OXTR: variants seen among roughly 807,000 people sequenced by gnomAD.
OXTR encodes oxytocin receptor.
A neutral mutation model predicts 23.9 loss-of-function variants in OXTR; 19 were observed. The observed-to-expected ratio is 0.80, with a 90% CI of 0.56 to 1.17. The LOEUF is 1.17. OXTR is among the 50% of genes most tolerant of loss of function. The pLI is 0.00. For synonymous variants in OXTR, 278 were observed against 250.5 expected (o/e 1.11, Z -1.04); for missense variants, 500 against 550.7 (o/e 0.91, Z 0.92).
intron 3 of OXTR, among the ~76,000 whole-genome samples, chr3:8,758,281 T>C (rs1708417054): frequency 6.6e-6 from 1 of 152,050 alleles, no homozygotes; most frequent in Non-Finnish European, 1.5e-5. Context: ...AACCCCAAAT[T>C]AGCCCAGAAC....
At chr3:8,745,620 A>G, downstream of OXTR, 1 of 1,614,080 alleles carries the variant, frequency 6.2e-7, no homozygotes, top group Non-Finnish European at 8.5e-7. The surrounding 1 kb of genome is among the most constrained non-coding windows in gnomAD (Gnocchi z 4.8). Context: ...GTCTCCAAGT[A>G]CTGGTGCTAC....
At chr3:8,755,756 T>C (rs1287829925) in intron 3 of OXTR, among the ~76,000 whole-genome samples, 2 of 152,190 alleles carry the variant, frequency 1.3e-5, no homozygotes, top group Non-Finnish European at 2.9e-5. Context: ...TTTGTCAATA[T>C]CCTAGTCACC....
intron 3 of OXTR, among the ~76,000 whole-genome samples, chr3:8,755,622 T>C (rs189717218): frequency 9.7e-4 from 147 of 152,324 alleles, no homozygotes; most frequent in African/African-American, 3.5e-3. Context: ...GTGCCTCTGA[T>C]CCCACCTGGT....
At chr3:8,754,047 A>G (rs1006238497) in intron 3 of OXTR, among the ~76,000 whole-genome samples, 3 of 152,324 alleles carry the variant, frequency 2.0e-5, no homozygotes, top group Non-Finnish European at 4.4e-5. Flanking sequence ...TTCATGGCTG[A>G]CCAACTGAAA....
At chr3:8,747,625 G>A (rs1708192011), downstream of OXTR, among the ~76,000 whole-genome samples, 1 of 152,206 alleles carries the variant, frequency 6.6e-6, no homozygotes, top group African/African-American at 2.4e-5. Context: ...CACCTAGCCA[G>A]CACTATCACT....
intron 3 of OXTR, among the ~76,000 whole-genome samples, chr3:8,763,517 C>T (rs1708535861): frequency 6.6e-6 from 1 of 152,232 alleles, no homozygotes; most frequent in Non-Finnish European, 1.5e-5. Context: ...CCCTCCTCAT[C>T]CTCATCTCCT....
chr3:8,752,869 C>A lies in OXTR; in HGVS notation c.*108G>T. On this transcript the variant is annotated 3_prime_UTR_variant, in exon 4 of 4. Transcript: ENST00000316793. ...AGCCACCCCAAGGAGGGGAGGGATA[C>A]AAACTGATAGGTACCTTATACACAA... The A allele has an allele frequency of 4.8e-6, 6 of 1,256,588 alleles. No individual in the cohort carries two copies. In the East Asian group the frequency reaches 1.0e-4, roughly 21 times the overall value. 77.8% of individuals were successfully genotyped at this position (1,256,588 alleles called of 1,614,324 possible). A position where few individuals can be genotyped will look rare whatever the true frequency, so the allele number is the denominator to read the frequency against.
chr3:8,747,837 T>C (rs1708196820), downstream of OXTR, among the ~76,000 whole-genome samples: 1 of 152,212 alleles, frequency 6.6e-6, no homozygotes, highest in East Asian at 1.9e-4. Context: ...ATGTAGAGAA[T>C]TTGCCATCTT....
At chr3:8,742,111 G>T in the OXTR span, among the ~76,000 whole-genome samples, 1 of 152,070 alleles carries the variant, frequency 6.6e-6, no homozygotes, top group African/African-American at 2.4e-5. Flanking sequence ...GTGCTGCATG[G>T]TACAGCTGCC....
At chr3:8,756,160 G>C (rs1202995330) in intron 3 of OXTR, among the ~76,000 whole-genome samples, 1 of 152,172 alleles carries the variant, frequency 6.6e-6, no homozygotes, top group Non-Finnish European at 1.5e-5. Flanking sequence ...CTGATGGCTA[G>C]AAAGGCTTCA....
rs751733420 is a variant in OXTR, at chr3:8,753,189, G to A, written c.958C>T (p.Leu320Phe). Residue 320 changes from leucine (L) to phenylalanine (F), a missense_variant, in exon 4 of 4, where the codon CTC becomes TTC. By Grantham distance (22) the Leu-to-Phe change is conservative (BLOSUM62 0). Coordinates refer to ENST00000316793, the MANE Select transcript of OXTR (RefSeq NM_000916.4). ...ATCCAGGGGTTGCAGCAGCTGTTGA[G>A]GCTGGCCAGGAGCATGACGATGATG... ...AFIIVMLLAS[L>F]NSCCNPWIYM... 6.2e-6 allele frequency: 10 copies of A among 1,614,166 alleles called. No homozygotes were observed. Among genetic ancestry groups the A allele is most frequent in the Non-Finnish European group, 8.5e-6 (10 of 1,180,040 alleles).
In OXTR at chr3:8,753,217, G is replaced by A. The variant is rs1438675513; in HGVS notation, c.930C>T (p.Ala310=). 1 of 1,614,146 alleles carries A rather than the reference G, an allele frequency of 6.2e-7. No individual in the cohort carries two copies. Among genetic ancestry groups the A allele is most frequent in the South Asian group, 1.1e-5 (1 of 91,082 alleles). Residue 310 remains alanine, a synonymous_variant, in exon 4 of 4, where the codon GCC becomes GCT. Coordinates refer to ENST00000316793, the MANE Select transcript of OXTR (RefSeq NM_000916.4). The part of the protein sequence containing the change: ...WDANAPKEAS[A]FIIVMLLASL... Reference sequence around the variant, plus strand: ...TGGCCAGGAGCATGACGATGATGAAGGCCGAGGCTGAGGGGGTGGGGGCAG... The same window carrying A: ...TGGCCAGGAGCATGACGATGATGAAAGCCGAGGCTGAGGGGGTGGGGGCAG...
chr3:8,747,810 A>G (rs2124990145), downstream of OXTR, among the ~76,000 whole-genome samples: 1 of 152,320 alleles, frequency 6.6e-6, no homozygotes, highest in Admixed American at 6.5e-5. Flanking sequence ...TCCATTTCAG[A>G]CTTGGAATCT....
At position 8,768,154 on chromosome 3, in the gene OXTR, C is replaced by A; in HGVS notation, c.34G>T (p.Glu12Ter). The change falls in exon 3 of 4, where the codon GAG becomes TAG. Residue 12 changes from glutamate to a stop codon, truncating the protein, a stop_gained. Coordinates refer to ENST00000316793, the MANE Select transcript of OXTR (RefSeq NM_000916.4). LOFTEE classifies it high-confidence loss of function. This position sits in a 1 kb window ranked among gnomAD's most constrained non-coding sequence, Gnocchi z 5.4. ...GGCGCGGCGCTGGCGTTGGCTGCCT[C>A]GGCGCTCCAGTTGGCTGCGAGCGCG... The part of the protein sequence containing the change: ...EGALAANWSA[E>*]AANASAAPPG... The A allele has an allele frequency of 7.5e-7, 1 of 1,335,818 alleles. No individual in the cohort carries two copies. Among genetic ancestry groups the A allele is most frequent in the South Asian group, 2.1e-5 (1 of 47,908 alleles). 82.7% of individuals were successfully genotyped at this position (1,335,818 alleles called of 1,614,324 possible). A position where few individuals can be genotyped will look rare whatever the true frequency, so the allele number is the denominator to read the frequency against.
At chr3:8,760,256 C>T (rs368975031) in intron 3 of OXTR, among the ~76,000 whole-genome samples, 1 of 152,236 alleles carries the variant, frequency 6.6e-6, no homozygotes, top group African/African-American at 2.4e-5. Flanking sequence ...TCAGCACTGC[C>T]GCTCCATCTG....
chr3:8,752,918 G>A lies in OXTR; in HGVS notation c.*59C>T. 6.5e-7 allele frequency: 1 copy of A among 1,539,534 alleles called. No homozygotes were observed. The highest frequency in any genetic ancestry group is 8.8e-7 in the Non-Finnish European group (1 of 1,141,326). On this transcript the variant is annotated 3_prime_UTR_variant, in exon 4 of 4. Coordinates refer to ENST00000316793, the MANE Select transcript of OXTR (RefSeq NM_000916.4). ...AAACATACGCCATCACCTAGGAGCA[G>A]AGCACTTATGCCAGCACAGCCTGAG... is the stretch of plus-strand genomic sequence containing the variant.
intron 3 of OXTR, among the ~76,000 whole-genome samples, chr3:8,765,988 G>C (rs919863075): frequency 1.3e-5 from 2 of 152,222 alleles, no homozygotes; most frequent in African/African-American, 4.8e-5. Context: ...AGCTGGCACT[G>C]AGATTTCGGC....
In OXTR at chr3:8,761,049, G is replaced by A. The variant is rs73810975; in HGVS notation, c.922+6217C>T. On this transcript the variant is annotated intron_variant, in intron 3 of 3. Coordinates refer to ENST00000316793, the MANE Select transcript of OXTR (RefSeq NM_000916.4). ...TAATGGCACGTAGCACGTGGAGGACGGGAATGCTGTTAAATATCCTACCAT... is the reference window on the plus strand; with the variant it reads ...TAATGGCACGTAGCACGTGGAGGACAGGAATGCTGTTAAATATCCTACCAT... Among the ~76,000 whole-genome samples, 134 of 152,330 alleles carry A rather than the reference G, an allele frequency of 8.8e-4. 1 individual carries two copies. Among genetic ancestry groups the A allele is most frequent in the African/African-American group, 3.1e-3 (130 of 41,558 alleles).
the OXTR span, among the ~76,000 whole-genome samples, chr3:8,742,031 A>G: frequency 0.037 from 5,643 of 152,240 alleles, 350 homozygotes; most frequent in African/African-American, 0.13. Flanking sequence ...CTTTCAGCCC[A>G]CCACCCTCCA....
Sources: allele counts gnomAD v4.1 joint callset (sites outside exome capture counted in the v4.1 genomes callset), GRCh38; gene constraint gnomAD v4.1.1; non-coding constraint Gnocchi (gnomAD v3.1); transcripts MANE v1.5; gene names NCBI Gene and HGNC (gene_info 2026-07-23, HGNC 2026-07-21).